Variants in NOS1AP observed in about 807,000 individuals in gnomAD.
NOS1AP encodes nitric oxide synthase 1 adaptor protein.
A neutral mutation model predicts 56.2 loss-of-function variants in NOS1AP; 21 were observed. The observed-to-expected ratio is 0.37, with a 90% CI of 0.26 to 0.54. NOS1AP has a LOEUF of 0.54. Among genes scored for constraint, NOS1AP ranks in the 20% least tolerant of loss-of-function variants. NOS1AP has a pLI of 0.84. For missense variants in NOS1AP, 522 were observed against 657.8 expected (o/e 0.79, Z 2.26); for synonymous variants, 270 against 274.6 (o/e 0.98, Z 0.17).
intron 1 of NOS1AP, among the ~76,000 whole-genome samples, chr1:162,086,664 T>C (rs1271877427): frequency 1.3e-5 from 2 of 152,166 alleles, no homozygotes; most frequent in Non-Finnish European, 2.9e-5. Flanking sequence ...CCAACATGGC[T>C]CTTACCCACT....
intron 2 of NOS1AP, among the ~76,000 whole-genome samples, chr1:162,158,254 T>C (rs1057452365): frequency 3.9e-5 from 6 of 152,242 alleles, no homozygotes; most frequent in Non-Finnish European, 7.3e-5. Context: ...TTGTCCTTTT[T>C]TTGACTGGCT....
At chr1:162,214,431 G>GT (rs1420852360) in intron 2 of NOS1AP, among the ~76,000 whole-genome samples, 2 of 152,230 alleles carry the variant, frequency 1.3e-5, no homozygotes, top group African/African-American at 4.8e-5. Flanking sequence ...GGGGAAGTGA[G>GT]TATGCACGGT....
chr1:162,252,104 A>G (rs1434225727), intron 2 of NOS1AP, among the ~76,000 whole-genome samples: 2 of 151,790 alleles, frequency 1.3e-5, no homozygotes, highest in African/African-American at 4.8e-5. Context: ...CAGTGGTGCA[A>G]TCTTGGCTTA....
chr1:162,312,641 G>A (rs1270645636), intron 4 of NOS1AP, among the ~76,000 whole-genome samples: 1 of 149,894 alleles, frequency 6.7e-6, no homozygotes, highest in Admixed American at 6.7e-5. Context: ...TGGTGTTTTA[G>A]ACATGAAGTC....
chr1:162,279,729 T>C (rs1386336923), intron 2 of NOS1AP, among the ~76,000 whole-genome samples: 1 of 152,202 alleles, frequency 6.6e-6, no homozygotes, highest in African/African-American at 2.4e-5. Context: ...TGTGTGCTCA[T>C]GAGACAGCTC....
rs769766819 is a variant in NOS1AP, at chr1:162,154,493, G to A, written c.177+17G>A. On this transcript the variant is annotated intron_variant, in intron 2 of 9. Coordinates refer to ENST00000361897, the MANE Select transcript of NOS1AP (RefSeq NM_014697.3). ...CGGATACGGGTGAGTGGCCAGAGGT[G>A]GACTGTGTGGAGCGGGGAGTCAAGT... 8.1e-6 allele frequency: 13 copies of A among 1,613,418 alleles called. No homozygotes were observed. The highest frequency in any genetic ancestry group is 7.7e-5 in the South Asian group (7 of 91,042).
intron 4 of NOS1AP, among the ~76,000 whole-genome samples, chr1:162,321,731 A>AAAAATATATAT (rs1480278757): frequency 3.1e-5 from 4 of 128,494 alleles, no homozygotes; most frequent in Admixed American, 7.7e-5. Context: ...AAAAAAAAAA[A>AAAAATATATAT]ATATATATAT....
intron 3 of NOS1AP, 147 bp from the exon 4 acceptor site, chr1:162,300,486 C>T: frequency 1.4e-6 from 1 of 728,788 alleles, no homozygotes. Flanking sequence ...ATATTTTGCA[C>T]TCGTCGTTTT....
At chr1:162,356,403 C>T (rs1268606845) in intron 7 of NOS1AP, among the ~76,000 whole-genome samples, 1 of 152,148 alleles carries the variant, frequency 6.6e-6, no homozygotes, top group Non-Finnish European at 1.5e-5. Context: ...ACTTCTTTGC[C>T]GATGGTTCTC....
chr1:162,348,605 G>A (rs990142693), intron 6 of NOS1AP, among the ~76,000 whole-genome samples: 2 of 152,120 alleles, frequency 1.3e-5, no homozygotes, highest in Middle Eastern at 3.2e-3. Flanking sequence ...AAACGCCTGG[G>A]TCCATTCTAA....
intron 4 of NOS1AP, among the ~76,000 whole-genome samples, chr1:162,312,864 A>G (rs1367333027): frequency 1.3e-5 from 2 of 151,740 alleles, no homozygotes; most frequent in Non-Finnish European, 2.9e-5. Flanking sequence ...ATATAAACAG[A>G]GCCAAAGACA....
At chr1:162,207,627 ATAG>A (rs1652202797) in intron 2 of NOS1AP, among the ~76,000 whole-genome samples, 2 of 152,236 alleles carry the variant, frequency 1.3e-5, no homozygotes, top group African/African-American at 4.8e-5. Flanking sequence ...TGTTCATTAA[ATAG>A]TAGTTCCTGG....
Position 162,070,065 on chromosome 1 carries a change from C to G in NOS1AP, c.-113C>G, listed in dbSNP as rs997333695. The G allele has an allele frequency of 1.2e-6, 1 of 828,452 alleles. No homozygotes were observed. The highest frequency in any genetic ancestry group is 1.9e-6 in the Non-Finnish European group (1 of 515,734). The allele number at this position is 828,452 out of a possible 1,614,324, so 51.3% of individuals were successfully genotyped here. Reference sequence around the variant, plus strand: ...GCCAGGGCTCCCCCTGCCCAGCGCTCCCAGGCCCCGCCACGCGTCGCCGCG... The same window carrying G: ...GCCAGGGCTCCCCCTGCCCAGCGCTGCCAGGCCCCGCCACGCGTCGCCGCG... On this transcript the variant is annotated 5_prime_UTR_variant, in exon 1 of 10. Coordinates refer to ENST00000361897, the MANE Select transcript of NOS1AP (RefSeq NM_014697.3).
chr1:162,287,977 G>A lies in NOS1AP; in HGVS notation c.270+541G>A, dbSNP rs1404182983. ...CTGCTCCGTGTGCAGGGATGGTGGGGTGTGGCCAGGTCGGGAGGATGGGCA... is the reference window on the plus strand; with the variant it reads ...CTGCTCCGTGTGCAGGGATGGTGGGATGTGGCCAGGTCGGGAGGATGGGCA... On this transcript the variant is annotated intron_variant, in intron 3 of 9. Coordinates refer to ENST00000361897, the MANE Select transcript of NOS1AP (RefSeq NM_014697.3). Among the ~76,000 whole-genome samples the A allele has an allele frequency of 2.0e-5, 3 of 152,276 alleles. No individual in the cohort carries two copies. In the East Asian group the frequency reaches 5.8e-4, roughly 29 times the overall value.
At chr1:162,268,848 G>T (rs1371603396) in intron 2 of NOS1AP, among the ~76,000 whole-genome samples, 1 of 152,066 alleles carries the variant, frequency 6.6e-6, no homozygotes, top group Non-Finnish European at 1.5e-5. Context: ...CAAGTTAGAA[G>T]AGGAAAGACT....
intron 2 of NOS1AP, among the ~76,000 whole-genome samples, chr1:162,269,056 G>A (rs1654509882): frequency 2.0e-5 from 3 of 152,134 alleles, no homozygotes; most frequent in Admixed American, 2.0e-4. Flanking sequence ...AGTACCCCAG[G>A]CAGATCCAGG....
At chr1:162,146,606 C>T (rs1324520867) in intron 1 of NOS1AP, among the ~76,000 whole-genome samples, 1 of 152,212 alleles carries the variant, frequency 6.6e-6, no homozygotes, top group Non-Finnish European at 1.5e-5. Flanking sequence ...GCCCCACACC[C>T]AAGCCTCACC....
chr1:162,205,551 TA>T (rs1398423796), intron 2 of NOS1AP, among the ~76,000 whole-genome samples: 1 of 152,236 alleles, frequency 6.6e-6, no homozygotes, highest in Admixed American at 6.5e-5. Flanking sequence ...TCCTTCTTTC[TA>T]AATACCACTC....
intron 3 of NOS1AP, among the ~76,000 whole-genome samples, chr1:162,295,463 T>C (rs1406773460): frequency 6.6e-6 from 1 of 152,244 alleles, no homozygotes; most frequent in Non-Finnish European, 1.5e-5. Context: ...TGATTTATAA[T>C]CCCATAGGTT....
Sources: gnomAD v4.1 joint callset for allele counts (sites outside exome capture counted in the v4.1 genomes callset) on GRCh38, gnomAD v4.1.1 for gene constraint, MANE v1.5 for transcripts, NCBI Gene and HGNC (gene_info 2026-07-23, HGNC 2026-07-21) for gene names.